Variants in SYCP1 observed in about 807,000 individuals in gnomAD.
SYCP1 encodes cancer/testis antigen 8.
Under a neutral mutation model 153.1 loss-of-function variants are expected in SYCP1, and 64 were observed. The ratio of observed to expected loss-of-function variants is 0.42; its 90% confidence interval spans 0.34 to 0.51. The LOEUF is 0.51. SYCP1 is among the 20% of genes least tolerant of loss of function. The probability of loss-of-function intolerance (pLI) is 0.06; values close to 1 mark genes in which losing one functional copy is unlikely to be tolerated. For synonymous variants in SYCP1, 384 were observed against 341.8 expected, an observed-to-expected ratio of 1.12 and a Z score of -1.36; for missense variants, 997 against 1,049.0, an observed-to-expected ratio of 0.95 and a Z score of 0.68.
At chr1:114,881,349 A>G (rs1477723346) in intron 12 of SYCP1, among the ~76,000 whole-genome samples, 2 of 152,066 alleles carry the variant, frequency 1.3e-5, no homozygotes. Flanking sequence ...TTTAGTGAGA[A>G]TATGTTTGTG....
rs759837047 is a variant in SYCP1 at position 114,911,529 on chromosome 1, A to G, written c.1476A>G (p.Glu492=). Residue 492 remains glutamate, a synonymous_variant, in exon 18 of 32, where the codon GAA becomes GAG. Coordinates refer to ENST00000369522, the MANE Select transcript of SYCP1 (RefSeq NM_003176.4). ...AGTTAACTGCCATTACCACAAGTGA[A>G]CAGTATTATTCAAAAGAGGTTAAAG... ...EIQLTAITTS[E]QYYSKEVKDL... 12 of 1,560,746 alleles carry G rather than the reference A, an allele frequency of 7.7e-6. No individual in the cohort carries two copies. Among genetic ancestry groups the G allele is most frequent in the Non-Finnish European group, 1.0e-5 (12 of 1,158,386 alleles).
intron 20 of SYCP1, among the ~76,000 whole-genome samples, chr1:114,916,527 A>AT (rs1178109070): frequency 1.3e-5 from 2 of 151,890 alleles, no homozygotes; most frequent in East Asian, 3.9e-4. Context: ...AGGATAAGTC[A>AT]TTTTTGGTAT....
intron 23 of SYCP1, among the ~76,000 whole-genome samples, chr1:114,927,973 A>G (rs1011895741): frequency 2.0e-5 from 3 of 152,048 alleles, no homozygotes; most frequent in Non-Finnish European, 4.4e-5. Flanking sequence ...GGAGTATGCC[A>G]TCACATCCAG....
chr1:114,858,778 G>C (rs1187095645), intron 6 of SYCP1, 67 bp downstream of exon 6: 1 of 1,319,972 alleles, frequency 7.6e-7, no homozygotes, highest in Admixed American at 2.3e-5. Flanking sequence ...TGAAAGTAGA[G>C]TATTAGTTGG....
chr1:114,914,151 A>G (rs1267706875), intron 20 of SYCP1, 106 bp downstream of exon 20: 2 of 822,102 alleles, frequency 2.4e-6, no homozygotes, highest in Non-Finnish European at 3.6e-6. Context: ...TGAATATTTT[A>G]TAAAGTAAAA....
chr1:114,873,177 T>C (rs1488905491), intron 8 of SYCP1, among the ~76,000 whole-genome samples: 1 of 152,218 alleles, frequency 6.6e-6, no homozygotes, highest in Non-Finnish European at 1.5e-5. Context: ...GCTTGTCTTG[T>C]CAAAGTGTAT....
At chr1:114,941,186 C>T (rs572259325) in intron 23 of SYCP1, among the ~76,000 whole-genome samples, 1 of 151,898 alleles carries the variant, frequency 6.6e-6, no homozygotes, top group African/African-American at 2.4e-5. Flanking sequence ...ACTGTATTGT[C>T]CATTTAAATT....
At chr1:114,859,687 G>T in intron 6 of SYCP1, 56 bp from the exon 7 acceptor site, 1 of 893,668 alleles carries the variant, frequency 1.1e-6, no homozygotes, top group Non-Finnish European at 1.5e-6. Context: ...GATTATATTC[G>T]TGTTTATTTT....
chr1:114,942,665 C>T (rs1325639524), intron 23 of SYCP1, among the ~76,000 whole-genome samples: 1 of 151,894 alleles, frequency 6.6e-6, no homozygotes, highest in Non-Finnish European at 1.5e-5. Context: ...CTCTACACTA[C>T]ATACAAACAC....
At position 114,953,034 on chromosome 1, in the gene SYCP1, T is replaced by C. The variant is rs140957121; in HGVS notation, c.2322+5714T>C. ...CAGAGAGAGAAATGACCTGTCTTCA[T>C]ATGGTGGAAGATAAAAAGGCAAAGA... On this transcript the variant is annotated intron_variant, in intron 27 of 31. Coordinates refer to ENST00000369522, the MANE Select transcript of SYCP1 (RefSeq NM_003176.4). Among the ~76,000 whole-genome samples the C allele has an allele frequency of 1.0e-3, 158 of 152,326 alleles. 2 individuals carry two copies. Among genetic ancestry groups the C allele is most frequent in the African/African-American group, 3.7e-3 (153 of 41,582 alleles).
intron 27 of SYCP1, among the ~76,000 whole-genome samples, chr1:114,963,050 A>G (rs993186638): frequency 2.6e-5 from 4 of 152,184 alleles, no homozygotes; most frequent in Non-Finnish European, 4.4e-5. Context: ...TGTTAATCCA[A>G]TAGGTTTTCC....
intron 30 of SYCP1, among the ~76,000 whole-genome samples, chr1:114,986,411 G>A (rs1330261109): frequency 6.6e-6 from 1 of 151,998 alleles, no homozygotes; most frequent in Non-Finnish European, 1.5e-5. Context: ...TATTATTCTA[G>A]CAGTTTGAGT....
intron 12 of SYCP1, among the ~76,000 whole-genome samples, 192 bp from the exon 13 acceptor site, chr1:114,885,343 G>A (rs1221719008): frequency 6.6e-6 from 1 of 152,022 alleles, no homozygotes; most frequent in African/African-American, 2.4e-5. Context: ...TTGAGTTCTT[G>A]GGAGATAACA....
intron 19 of SYCP1, among the ~76,000 whole-genome samples, chr1:114,913,662 AT>A (rs1668326892): frequency 6.6e-6 from 1 of 152,138 alleles, no homozygotes; most frequent in Non-Finnish European, 1.5e-5. Context: ...AAGGTGAATT[AT>A]GAGTTCAGTA....
chr1:114,910,283 G>T (rs1490413715), intron 16 of SYCP1, 114 bp from the exon 17 acceptor site: 5 of 633,676 alleles, frequency 7.9e-6, no homozygotes, highest in Non-Finnish European at 1.3e-5. Flanking sequence ...TCTTTTTAAA[G>T]AATTTTAGCC....
intron 8 of SYCP1, among the ~76,000 whole-genome samples, chr1:114,863,366 A>C (rs1213554398): frequency 6.6e-6 from 1 of 152,174 alleles, no homozygotes; most frequent in Non-Finnish European, 1.5e-5. Context: ...AGCCTGGCCA[A>C]CATGGTGAAA....
At chr1:114,965,758 T>C (rs1248735598) in intron 27 of SYCP1, among the ~76,000 whole-genome samples, 1 of 152,206 alleles carries the variant, frequency 6.6e-6, no homozygotes, top group African/African-American at 2.4e-5. Context: ...CAGTATTTTA[T>C]TGAGGATTAT....
Position 114,892,525 on chromosome 1 carries a change from C to T in SYCP1, c.1259-2923C>T, listed in dbSNP as rs941077053. 3.3e-5 allele frequency among the ~76,000 whole-genome samples: 5 copies of T among 152,178 alleles called. No homozygotes were observed. In the East Asian group the frequency reaches 5.8e-4, roughly 18 times the overall value. ...GGTTCTGGCTTCACCTGGTAGCTGG[C>T]AGTGGCAGAGGTTGTGGCTGTGAGC... is the stretch of plus-strand genomic sequence containing the variant. On this transcript the variant is annotated intron_variant, in intron 15 of 31. Coordinates refer to ENST00000369522, the MANE Select transcript of SYCP1 (RefSeq NM_003176.4).
intron 12 of SYCP1, among the ~76,000 whole-genome samples, 183 bp from the exon 13 acceptor site, chr1:114,885,349 TAAC>T (rs1245177016): frequency 1.3e-5 from 2 of 152,170 alleles, no homozygotes; most frequent in South Asian, 4.1e-4. Context: ...TCTTGGGAGA[TAAC>T]AATCTTGAAA....
Sources: allele counts gnomAD v4.1 joint callset (sites outside exome capture counted in the v4.1 genomes callset), GRCh38; gene constraint gnomAD v4.1.1; transcripts MANE v1.5; gene names NCBI Gene and HGNC (gene_info 2026-07-23, HGNC 2026-07-21).